FAM3C: variants seen among roughly 807,000 people sequenced by gnomAD.
FAM3C encodes the protein FAM3 metabolism regulating signaling molecule C.
In FAM3C, 15 loss-of-function variants were observed where a neutral mutation model predicts 32.5. The ratio of observed to expected loss-of-function variants is 0.46; its 90% CI spans 0.31 to 0.71. The LOEUF is 0.71. Among genes scored for constraint, FAM3C ranks in the 30% least tolerant of loss-of-function variants. The pLI is 0.05. For synonymous variants in FAM3C, 75 were observed against 86.1 expected, an observed-to-expected ratio of 0.87 and a Z score of 0.72; for missense variants, 175 against 274.4, an observed-to-expected ratio of 0.64 and a Z score of 2.56.
chr7:121,352,677 G>A (rs10250907), intron 8 of FAM3C, among the ~76,000 whole-genome samples: 38,770 of 152,142 alleles, frequency 0.25, 5,900 homozygotes, highest in African/African-American at 0.44. Flanking sequence ...CTGCAGCTTC[G>A]TTTCCTGTGC....
chr7:121,390,173 G>A (rs970796552), intron 1 of FAM3C, among the ~76,000 whole-genome samples: 37 of 152,178 alleles, frequency 2.4e-4, no homozygotes, highest in African/African-American at 8.0e-4. Flanking sequence ...ACCTCTGGTT[G>A]CCAGGCACTT....
At chr7:121,372,161 T>C in intron 3 of FAM3C, 22 bp from the exon 4 acceptor site, 1 of 1,583,474 alleles carries the variant, frequency 6.3e-7, no homozygotes, top group East Asian at 2.2e-5. Context: ...AAATTACTTT[T>C]GTTAGAAGGA....
intron 1 of FAM3C, among the ~76,000 whole-genome samples, chr7:121,388,953 G>A (rs1287357790): frequency 6.6e-6 from 1 of 152,122 alleles, no homozygotes; most frequent in Non-Finnish European, 1.5e-5. Context: ...TGGCGCTCCT[G>A]ACAGTGAATG....
intron 8 of FAM3C, among the ~76,000 whole-genome samples, chr7:121,352,822 T>C (rs543902867): frequency 4.6e-5 from 7 of 152,362 alleles, no homozygotes; most frequent in Non-Finnish European, 7.3e-5. Flanking sequence ...TGGGATGCCA[T>C]GGATCTAAAA....
At chr7:121,389,837 G>A (rs1794540946) in intron 1 of FAM3C, among the ~76,000 whole-genome samples, 1 of 151,804 alleles carries the variant, frequency 6.6e-6, no homozygotes, top group Non-Finnish European at 1.5e-5. Flanking sequence ...TACAAAACAG[G>A]AATCACTGAA....
intron 1 of FAM3C, among the ~76,000 whole-genome samples, chr7:121,390,711 T>C (rs948202700): frequency 3.3e-5 from 5 of 151,892 alleles, no homozygotes; most frequent in Admixed American, 1.3e-4. Flanking sequence ...ACTGCATACC[T>C]GGAGAATCAG....
chr7:121,381,776 T>C (rs1402560354), intron 2 of FAM3C, among the ~76,000 whole-genome samples: 4 of 152,108 alleles, frequency 2.6e-5, no homozygotes, highest in Non-Finnish European at 4.4e-5. Context: ...TCTTGAACAA[T>C]TGTACCGTTA....
Position 121,361,930 on chromosome 7 carries a change from G to T in FAM3C, c.382+967C>A, listed in dbSNP as rs567737326. 4.6e-5 allele frequency among the ~76,000 whole-genome samples: 7 copies of T among 152,290 alleles called. No homozygotes were observed. The South Asian group carries it at 1.2e-3, about 27-fold the overall frequency. On this transcript the variant is annotated intron_variant, in intron 7 of 9. Coordinates refer to ENST00000359943, the MANE Select transcript of FAM3C (RefSeq NM_014888.3). Reference sequence around the variant, plus strand: ...CTGACGTCGTGATCTGCCTGCCTCGGCCTCCCGAAGTGCTGGGATTACAGG... The same window carrying T: ...CTGACGTCGTGATCTGCCTGCCTCGTCCTCCCGAAGTGCTGGGATTACAGG...
chr7:121,394,681 T>G (rs963034994), intron 1 of FAM3C, among the ~76,000 whole-genome samples: 1 of 152,210 alleles, frequency 6.6e-6, no homozygotes, highest in African/African-American at 2.4e-5. Flanking sequence ...AAACAAAGCT[T>G]CTAATACCTG....
chr7:121,379,054 A>G, intron 2 of FAM3C, 40 bp from the exon 3 acceptor site: 1 of 1,103,886 alleles, frequency 9.1e-7, no homozygotes, highest in Non-Finnish European at 1.3e-6. Context: ...TTGTAAGCCC[A>G]CAGAACTTTT....
At chr7:121,366,090 T>C (rs1794019837) in intron 5 of FAM3C, among the ~76,000 whole-genome samples, 1 of 152,154 alleles carries the variant, frequency 6.6e-6, no homozygotes, top group South Asian at 2.1e-4. Context: ...CTTCATACAC[T>C]GCTGGCGGAA....
intron 3 of FAM3C, among the ~76,000 whole-genome samples, chr7:121,376,033 T>C (rs147540174): frequency 6.6e-6 from 1 of 152,222 alleles, no homozygotes; most frequent in Non-Finnish European, 1.5e-5. Context: ...CAGAGCAACA[T>C]GGAACGAGTC....
chr7:121,372,043 G>C, intron 4 of FAM3C, 67 bp downstream of exon 4: 2 of 1,171,640 alleles, frequency 1.7e-6, no homozygotes. Context: ...CTGACACTTT[G>C]AATATAAGCT....
At chr7:121,395,278 CATATATATGGATACATACATAT>C (rs1329063664) in intron 1 of FAM3C, among the ~76,000 whole-genome samples, 4 of 143,358 alleles carry the variant, frequency 2.8e-5, no homozygotes, top group Non-Finnish European at 5.9e-5. Context: ...TGGATACATA[CATATATATGGATACATACATAT>C]ATATGGATAC....
At chr7:121,362,325 A>C (rs962395212) in intron 7 of FAM3C, among the ~76,000 whole-genome samples, 1 of 152,174 alleles carries the variant, frequency 6.6e-6, no homozygotes, top group Non-Finnish European at 1.5e-5. Context: ...CTTTACAAGA[A>C]AGAAAATTCT....
At chr7:121,356,905 TAGATGTA>T (rs1793825253) in intron 8 of FAM3C, among the ~76,000 whole-genome samples, 1 of 152,166 alleles carries the variant, frequency 6.6e-6, no homozygotes, top group Non-Finnish European at 1.5e-5. Flanking sequence ...TAAGTTTTCT[TAGATGTA>T]AGTTTTTCTC....
chr7:121,374,481 G>A (rs558818914), intron 3 of FAM3C, among the ~76,000 whole-genome samples: 89 of 152,136 alleles, frequency 5.9e-4, no homozygotes, highest in African/African-American at 2.1e-3. Context: ...AATGGAAAAC[G>A]AATCACCAAA....
intron 5 of FAM3C, among the ~76,000 whole-genome samples, chr7:121,367,524 A>T (rs1351985988): frequency 3.3e-5 from 5 of 152,238 alleles, no homozygotes; most frequent in African/African-American, 1.2e-4. Context: ...CCCTTGTTAA[A>T]AAAAAATCCC....
At chr7:121,396,050 G>T (rs4731011) in intron 1 of FAM3C, 112 bp downstream of exon 1, 17,222 of 151,712 alleles carry the variant, frequency 0.11, 1,275 homozygotes, top group Non-Finnish European at 0.17. Flanking sequence ...CCCCCGGCCG[G>T]TGACCGCAGT....
Sources: gnomAD v4.1 joint callset for allele counts (sites outside exome capture counted in the v4.1 genomes callset) on GRCh38, gnomAD v4.1.1 for gene constraint, MANE v1.5 for transcripts, NCBI Gene and HGNC (gene_info 2026-07-23, HGNC 2026-07-21) for gene names.